SLC16A7: variants seen among roughly 807,000 people sequenced by gnomAD.
The protein encoded by SLC16A7 is monocarboxylate transporter 2.
A neutral mutation model predicts 34.9 loss-of-function variants in SLC16A7; 33 were observed. The ratio of observed to expected loss-of-function variants is 0.94; its 90% CI spans 0.72 to 1.26. The LOEUF is 1.26. Ranked by LOEUF, SLC16A7 falls within the 50% of genes most tolerant of loss-of-function variation. SLC16A7 has a pLI of 0.00. For synonymous variants in SLC16A7, 201 were observed against 206.6 expected, an observed-to-expected ratio of 0.97 and a Z score of 0.23; for missense variants, 573 against 578.1, an observed-to-expected ratio of 0.99 and a Z score of 0.09.
intron 3 of SLC16A7, among the ~76,000 whole-genome samples, chr12:59,747,885 A>G (rs1359777979): frequency 6.6e-6 from 1 of 152,192 alleles, no homozygotes. Flanking sequence ...TCTGTGAAGT[A>G]GTCTAGATAC....
chr12:59,620,961 T>C (rs1230194087), intron 1 of SLC16A7, among the ~76,000 whole-genome samples: 1 of 151,976 alleles, frequency 6.6e-6, no homozygotes, highest in Non-Finnish European at 1.5e-5. Flanking sequence ...AATTGTATTT[T>C]CAAGCCCAAA....
rs141708473 is a variant in SLC16A7 at position 59,671,082 on chromosome 12, C to T, written c.-31+15832C>T. Reference sequence around the variant, plus strand: ...AGCCATCAGACAAGAGGGTCCTCTACGGTCATTTCTGTAAATCTGCATCTC... The same window carrying T: ...AGCCATCAGACAAGAGGGTCCTCTATGGTCATTTCTGTAAATCTGCATCTC... On this transcript the variant is annotated intron_variant, in intron 2 of 5. Coordinates refer to ENST00000547379, the MANE Select transcript of SLC16A7 (RefSeq NM_001270623.2). Among the ~76,000 whole-genome samples the T allele has an allele frequency of 7.4e-4, 113 of 152,276 alleles. 1 individual carries two copies. The Middle Eastern group carries it at 0.01, about 14-fold the overall frequency.
Position 59,649,246 on chromosome 12 carries a change from G to A in SLC16A7, c.-129-5906G>A, listed in dbSNP as rs180815174. On this transcript the variant is annotated intron_variant, in intron 1 of 5. Coordinates refer to ENST00000547379, the MANE Select transcript of SLC16A7 (RefSeq NM_001270623.2). ...AGTCATAGAGTGTACAATGGACAAG[G>A]TTGAGAAGGACATCAAAAGGAGTGT... is the stretch of plus-strand genomic sequence containing the variant. Among the ~76,000 whole-genome samples the A allele has an allele frequency of 1.5e-3, 224 of 152,246 alleles. 1 individual carries two copies. The highest frequency in any genetic ancestry group is 4.5e-3 in the African/African-American group (187 of 41,550).
intron 3 of SLC16A7, among the ~76,000 whole-genome samples, chr12:59,726,452 G>C (rs1421169206): frequency 6.6e-6 from 1 of 152,054 alleles, no homozygotes; most frequent in Non-Finnish European, 1.5e-5. Context: ...GGGTAAAAGA[G>C]AAAGAAGGGG....
At chr12:59,749,322 C>A (rs1879242220) in intron 3 of SLC16A7, among the ~76,000 whole-genome samples, 1 of 152,174 alleles carries the variant, frequency 6.6e-6, no homozygotes, top group Non-Finnish European at 1.5e-5. Context: ...CAATGAGAAC[C>A]CTTTTTCTGT....
At chr12:59,632,489 C>T (rs1880226975) in intron 1 of SLC16A7, among the ~76,000 whole-genome samples, 2 of 151,924 alleles carry the variant, frequency 1.3e-5, no homozygotes, top group South Asian at 4.1e-4. Flanking sequence ...GCAGCTGGGG[C>T]ACAATATTTA....
At chr12:59,651,986 T>C (rs1868350373) in intron 1 of SLC16A7, among the ~76,000 whole-genome samples, 1 of 152,094 alleles carries the variant, frequency 6.6e-6, no homozygotes, top group African/African-American at 2.4e-5. Flanking sequence ...GGAACTTTTT[T>C]TTCAGCCCTA....
intron 3 of SLC16A7, among the ~76,000 whole-genome samples, chr12:59,707,727 A>C (rs900969451): frequency 3.3e-5 from 5 of 152,112 alleles, no homozygotes; most frequent in African/African-American, 1.2e-4. Flanking sequence ...GATACATACA[A>C]ATTCTTGGTA....
At chr12:59,766,631 G>A (rs1173103664) in intron 3 of SLC16A7, among the ~76,000 whole-genome samples, 15 of 152,178 alleles carry the variant, frequency 9.9e-5, no homozygotes, top group South Asian at 2.1e-4. Flanking sequence ...GCTGGATTAC[G>A]TTTATTGGTT....
chr12:59,729,043 T>G (rs1407442445), intron 3 of SLC16A7, among the ~76,000 whole-genome samples: 5 of 152,316 alleles, frequency 3.3e-5, no homozygotes, highest in African/African-American at 1.2e-4. Context: ...CCTTTTCACT[T>G]CAGGTTATTA....
chr12:59,780,247 G>C lies in SLC16A7; in HGVS notation c.*568G>C, dbSNP rs568865826. 6.6e-6 allele frequency: 1 copy of C among 151,964 alleles called. No homozygotes were observed. Among genetic ancestry groups the C allele is most frequent in the East Asian group, 1.9e-4 (1 of 5,182 alleles). The allele number at this position is 151,964 out of a possible 1,614,324, so 9.4% of individuals were successfully genotyped here. ...TATTTTTAAGGTAAAAATAATCCATGAAGATAAAAGAAACATATGTCTGCG... is the reference window on the plus strand; with the variant it reads ...TATTTTTAAGGTAAAAATAATCCATCAAGATAAAAGAAACATATGTCTGCG... On this transcript the variant is annotated 3_prime_UTR_variant, in exon 6 of 6. Transcript: ENST00000547379.
At chr12:59,629,059 C>A (rs139189288) in intron 1 of SLC16A7, among the ~76,000 whole-genome samples, 1 of 151,774 alleles carries the variant, frequency 6.6e-6, no homozygotes, top group Non-Finnish European at 1.5e-5. Flanking sequence ...TTTGTTCTGA[C>A]GTAGAGATGG....
At chr12:59,754,970 T>A (rs1256758358) in intron 3 of SLC16A7, among the ~76,000 whole-genome samples, 1 of 152,156 alleles carries the variant, frequency 6.6e-6, no homozygotes, top group Admixed American at 6.6e-5. Flanking sequence ...AACCAATAAA[T>A]GTAATCCAGC....
chr12:59,619,722 G>A (rs1879612152), intron 1 of SLC16A7, among the ~76,000 whole-genome samples: 1 of 151,940 alleles, frequency 6.6e-6, no homozygotes, highest in Admixed American at 6.6e-5. Context: ...CTGAACTGGT[G>A]GCTCTGTTGG....
rs191165064 is a variant in SLC16A7, at chr12:59,651,213, T to G, written c.-129-3939T>G. Among the ~76,000 whole-genome samples the G allele has an allele frequency of 3.9e-3, 587 of 152,276 alleles. 3 individuals carry two copies. Among genetic ancestry groups the G allele is most frequent in the African/African-American group, 0.013 (560 of 41,568 alleles). ...GATTTTTCTTTCATCTTTGACTTCC[T>G]CAATTAGGAAAAGGGTAGGCTATGA... is the stretch of plus-strand genomic sequence containing the variant. On this transcript the variant is annotated intron_variant, in intron 1 of 5. Coordinates refer to ENST00000547379, the MANE Select transcript of SLC16A7 (RefSeq NM_001270623.2).
chr12:59,752,324 T>A (rs1879682769), intron 3 of SLC16A7, among the ~76,000 whole-genome samples: 1 of 152,076 alleles, frequency 6.6e-6, no homozygotes, highest in South Asian at 2.1e-4. Flanking sequence ...AGGAGGAAAT[T>A]CAAACCAAAG....
intron 2 of SLC16A7, among the ~76,000 whole-genome samples, chr12:59,676,237 ATTTAC>A (rs546890805): frequency 7.1e-4 from 108 of 152,266 alleles, no homozygotes; most frequent in African/African-American, 2.5e-3. Context: ...GGTAAAAACA[ATTTAC>A]TTCAATTTTT....
chr12:59,706,715 A>T lies in SLC16A7; in HGVS notation c.217+1697A>T, dbSNP rs1052381146. On this transcript the variant is annotated intron_variant, in intron 3 of 5. Coordinates refer to ENST00000547379, the MANE Select transcript of SLC16A7 (RefSeq NM_001270623.2). ...ATAATGTTTTGCTAGAGCAGCACAC[A>T]GTCATCTTGATTTCAGCTCCAAAAC... 1.1e-4 allele frequency among the ~76,000 whole-genome samples: 16 copies of T among 152,266 alleles called. 1 individual carries two copies. The South Asian group carries it at 1.2e-3, about 12-fold the overall frequency.
intron 2 of SLC16A7, among the ~76,000 whole-genome samples, chr12:59,658,276 T>G (rs1175164841): frequency 1.3e-5 from 2 of 151,998 alleles, no homozygotes; most frequent in Non-Finnish European, 2.9e-5. Flanking sequence ...TCTCCCACAC[T>G]TCACTAATTG....
Sources: gnomAD v4.1 joint callset for allele counts (sites outside exome capture counted in the v4.1 genomes callset) on GRCh38, gnomAD v4.1.1 for gene constraint, MANE v1.5 for transcripts, NCBI Gene and HGNC (gene_info 2026-07-23, HGNC 2026-07-21) for gene names.